The following RAPGEF2 variants were observed in gnomAD, a reference collection of about 807,000 sequenced individuals.
The protein encoded by RAPGEF2 is PDZ domain containing guanine nucleotide exchange factor (GEF) 1.
Under a neutral mutation model 186.7 loss-of-function variants are expected in RAPGEF2, and 54 were observed. That is an observed-to-expected ratio of 0.29 (90% CI 0.23 to 0.36). RAPGEF2 has a LOEUF of 0.36. Among genes scored for constraint, RAPGEF2 ranks in the 10% least tolerant of loss-of-function variants. The pLI is 1.00. For synonymous variants in RAPGEF2, 712 were observed against 705.9 expected (o/e 1.01, Z -0.14); for missense variants, 1,532 against 2,045.0 (o/e 0.75, Z 4.84).
intron 4 of RAPGEF2, among the ~76,000 whole-genome samples, chr4:159,238,493 T>G (rs951812061): frequency 4.6e-5 from 7 of 152,178 alleles, no homozygotes; most frequent in African/African-American, 7.2e-5. Context: ...TGGAATATTC[T>G]CAAAGTTCAC....
At chr4:159,228,415 T>C (rs1752263470) in intron 4 of RAPGEF2, 1 of 152,224 alleles carries the variant, frequency 6.6e-6, no homozygotes, top group Admixed American at 6.5e-5. Context: ...GAATGTTTAG[T>C]GCTTGTTAAA....
intron 1 of RAPGEF2, among the ~76,000 whole-genome samples, chr4:159,119,651 C>G (rs1484678769): frequency 6.6e-6 from 1 of 152,026 alleles, no homozygotes; most frequent in East Asian, 1.9e-4. Context: ...CTTCTTGGTT[C>G]GCTTATTAGG....
chr4:159,146,361 C>CT lies in RAPGEF2; in HGVS notation c.70-40268dup, dbSNP rs75242947. 2.1e-3 allele frequency among the ~76,000 whole-genome samples: 294 copies of CT among 137,770 alleles called. 1 individual carries two copies. The highest frequency in any genetic ancestry group is 3.1e-3 in the Admixed American group (43 of 13,850). 90.4% of individuals were successfully genotyped at this position (137,770 alleles called of 152,430 possible). A position where few individuals can be genotyped will look rare whatever the true frequency, so the allele number is the denominator to read the frequency against. ...CTTTAAAAAGCATGTAAGCTTTTTT[C>CT]TTTTTTTTTTTTTCTTTTGGTGCAT... On this transcript the variant is annotated intron_variant, in intron 1 of 29. Coordinates refer to ENST00000691494, the MANE Select transcript of RAPGEF2 (RefSeq NM_001394067.2).
chr4:159,106,500 CT>C (rs1489380439), intron 1 of RAPGEF2, among the ~76,000 whole-genome samples: 3 of 152,216 alleles, frequency 2.0e-5, no homozygotes, highest in Admixed American at 1.3e-4. Context: ...ACAGCCTTGT[CT>C]TATAAATGTT....
chr4:159,198,248 CTTTCTTTCTTTCTCT>C (rs1748905542), intron 3 of RAPGEF2, among the ~76,000 whole-genome samples: 1 of 115,284 alleles, frequency 8.7e-6, no homozygotes, highest in Non-Finnish European at 1.9e-5. Context: ...TTCTTTCTTC[CTTTCTTTCTTTCTCT>C]TTCTTTCCTT....
intron 7 of RAPGEF2, among the ~76,000 whole-genome samples, chr4:159,261,281 C>G (rs1756830081): frequency 6.6e-6 from 1 of 150,748 alleles, no homozygotes; most frequent in South Asian, 2.1e-4. Context: ...CCAGGATGGT[C>G]TCCATCTCCT....
intron 25 of RAPGEF2, among the ~76,000 whole-genome samples, chr4:159,348,553 AAC>A (rs1481208497): frequency 6.6e-6 from 1 of 152,158 alleles, no homozygotes; most frequent in African/African-American, 2.4e-5. Flanking sequence ...TCTCATCACA[AAC>A]ACATTGAATT....
chr4:159,137,399 G>A (rs1316274153), intron 1 of RAPGEF2, among the ~76,000 whole-genome samples: 1 of 152,130 alleles, frequency 6.6e-6, no homozygotes, highest in Non-Finnish European at 1.5e-5. Flanking sequence ...CAGGTGCTCT[G>A]TGTCTCTCCT....
chr4:159,183,296 C>G (rs147906787), intron 1 of RAPGEF2, among the ~76,000 whole-genome samples: 17 of 152,316 alleles, frequency 1.1e-4, no homozygotes, highest in Non-Finnish European at 2.1e-4. Context: ...TTTCAGTGAG[C>G]ATACCATTAC....
chr4:159,342,961 T>C lies in RAPGEF2; in HGVS notation c.2919-18T>C. 1 of 1,609,158 alleles carries C rather than the reference T, an allele frequency of 6.2e-7. No individual in the cohort carries two copies. Among genetic ancestry groups the C allele is most frequent in the Non-Finnish European group, 8.5e-7 (1 of 1,176,522 alleles). On this transcript the variant is annotated intron_variant, in intron 20 of 29. Coordinates refer to ENST00000691494, the MANE Select transcript of RAPGEF2 (RefSeq NM_001394067.2). ...TTTTACTTTAGTTGTTATACCATGTTTCTTTTTCTCCTCTCAGTGGCCTAA... is the reference window on the plus strand; with the variant it reads ...TTTTACTTTAGTTGTTATACCATGTCTCTTTTTCTCCTCTCAGTGGCCTAA...
Position 159,330,982 on chromosome 4 carries a change from C to CA in RAPGEF2, c.1468-446dup, listed in dbSNP as rs139660107. Among the ~76,000 whole-genome samples, 5 of 152,232 alleles carry CA rather than the reference C, an allele frequency of 3.3e-5. No homozygotes were observed. In the East Asian group the frequency reaches 9.6e-4, roughly 29 times the overall value. On this transcript the variant is annotated intron_variant, in intron 13 of 29. Coordinates refer to ENST00000691494, the MANE Select transcript of RAPGEF2 (RefSeq NM_001394067.2). ...AGAGCTCTAAGGCCAGATTGGATGACAAACTACATTGTCTTATCTCCTTCC... is the reference window on the plus strand; with the variant it reads ...AGAGCTCTAAGGCCAGATTGGATGACAAAACTACATTGTCTTATCTCCTTCC...
intron 4 of RAPGEF2, among the ~76,000 whole-genome samples, chr4:159,225,687 C>T (rs928317777): frequency 5.3e-5 from 8 of 152,082 alleles, no homozygotes; most frequent in African/African-American, 1.4e-4. Flanking sequence ...CTAGTAGATA[C>T]GTGGCAGTAT....
intron 19 of RAPGEF2, among the ~76,000 whole-genome samples, chr4:159,340,685 A>ACACACACACT (rs1554040741): frequency 6.0e-5 from 9 of 148,780 alleles, no homozygotes; most frequent in African/African-American, 2.3e-4. Context: ...ACACACACAC[A>ACACACACACT]CACACACACA....
intron 25 of RAPGEF2, among the ~76,000 whole-genome samples, chr4:159,347,991 C>T (rs1176203139): frequency 6.6e-6 from 1 of 152,124 alleles, no homozygotes; most frequent in Admixed American, 6.5e-5. Flanking sequence ...GAGGCTGAGA[C>T]GGGTGAATCA....
Position 159,104,065 on chromosome 4 carries a change from G to C in RAPGEF2, c.-98G>C, listed in dbSNP as rs1737496639. The C allele has an allele frequency of 3.2e-6, 2 of 632,872 alleles. No individual in the cohort carries two copies. Among genetic ancestry groups the C allele is most frequent in the African/African-American group, 2.0e-5 (1 of 50,582 alleles). The allele number at this position is 632,872 out of a possible 1,614,324, so 39.2% of individuals were successfully genotyped here. ...TTTGGCTGATTAGTCGCGGGCGGGC[G>C]GGCGGGCGCAGCGCGCAGGGCGGAG... On this transcript the variant is annotated 5_prime_UTR_variant, in exon 1 of 30. Transcript: ENST00000691494.
intron 17 of RAPGEF2, among the ~76,000 whole-genome samples, chr4:159,336,493 AT>A (rs1285272460): frequency 6.6e-6 from 1 of 152,180 alleles, no homozygotes; most frequent in Non-Finnish European, 1.5e-5. Flanking sequence ...TGCAAAAGAC[AT>A]TATTTTGTTC....
At chr4:159,242,077 T>TAA (rs1754080005) in intron 6 of RAPGEF2, among the ~76,000 whole-genome samples, 1 of 152,058 alleles carries the variant, frequency 6.6e-6, no homozygotes, top group South Asian at 2.1e-4. Context: ...AACTGCTTTT[T>TAA]ATGTTTGAGG....
intron 4 of RAPGEF2, among the ~76,000 whole-genome samples, chr4:159,235,296 T>G (rs1753127629): frequency 6.6e-6 from 1 of 152,232 alleles, no homozygotes. Flanking sequence ...TTACTTGTTG[T>G]GTAAGCATCT....
At chr4:159,136,146 G>A (rs1741697229) in intron 1 of RAPGEF2, among the ~76,000 whole-genome samples, 1 of 152,092 alleles carries the variant, frequency 6.6e-6, no homozygotes, top group South Asian at 2.1e-4. Context: ...ATTGCATTTA[G>A]CATTTTAAAA....
Sources: gnomAD v4.1 joint callset for allele counts (sites outside exome capture counted in the v4.1 genomes callset) on GRCh38, gnomAD v4.1.1 for gene constraint, MANE v1.5 for transcripts, NCBI Gene and HGNC (gene_info 2026-07-23, HGNC 2026-07-21) for gene names.